The following SDK1 variants were observed in gnomAD, a reference collection of about 807,000 sequenced individuals.
SDK1 encodes the protein protein sidekick-1.
In SDK1, 157 loss-of-function variants were observed where a neutral mutation model predicts 245.5. The observed-to-expected ratio is 0.64, with a 90% CI of 0.56 to 0.73. SDK1 has a LOEUF of 0.73. SDK1 is among the 30% of genes least tolerant of loss of function. The pLI is 0.00. For missense variants in SDK1, 3,583 were observed against 3,002.3 expected, an observed-to-expected ratio of 1.19 and a Z score of -4.52; for synonymous variants, 1,647 against 1,278.5, an observed-to-expected ratio of 1.29 and a Z score of -6.15.
At chr7:3,624,059 C>G (rs1008152020) in intron 2 of SDK1, among the ~76,000 whole-genome samples, 4 of 152,032 alleles carry the variant, frequency 2.6e-5, no homozygotes, top group African/African-American at 7.2e-5. Flanking sequence ...GAGTAGAACC[C>G]ACGTGGAAAG....
chr7:3,751,488 C>T (rs1779770725), intron 4 of SDK1, among the ~76,000 whole-genome samples: 1 of 151,988 alleles, frequency 6.6e-6, no homozygotes, highest in Admixed American at 6.5e-5. Flanking sequence ...GAATGGGGAG[C>T]AGGGACAGCA....
intron 5 of SDK1, among the ~76,000 whole-genome samples, chr7:3,880,912 G>C (rs1962783): frequency 0.26 from 39,657 of 151,900 alleles, 6,023 homozygotes; most frequent in African/African-American, 0.42. Flanking sequence ...CGAGGAAGGC[G>C]TCGAGTTCAG....
chr7:3,576,043 A>G lies in SDK1; in HGVS notation c.299-43037A>G, dbSNP rs972418064. Among the ~76,000 whole-genome samples, 10 of 152,054 alleles carry G rather than the reference A, an allele frequency of 6.6e-5. 1 individual carries two copies. The highest frequency in any genetic ancestry group is 1.3e-4 in the Admixed American group (2 of 15,268). On this transcript the variant is annotated intron_variant, in intron 1 of 44. Coordinates refer to ENST00000404826, the MANE Select transcript of SDK1 (RefSeq NM_152744.4). ...TGTTCAAAAGGTAAAGAAACAAGAA[A>G]AGGGAAAGATGAGGAAAATCACAAA...
intron 4 of SDK1, among the ~76,000 whole-genome samples, chr7:3,772,464 A>C (rs1216581066): frequency 6.6e-6 from 1 of 152,342 alleles, no homozygotes; most frequent in Non-Finnish European, 1.5e-5. Context: ...ATAATTTTTA[A>C]AAATGCATTA....
rs1272137589 is a variant in SDK1 at position 3,974,480 on chromosome 7, T to G, written c.1929T>G (p.Gly643=). 1 of 1,614,008 alleles carries G rather than the reference T, an allele frequency of 6.2e-7. No individual in the cohort carries two copies. The highest frequency in any genetic ancestry group is 8.5e-7 in the Non-Finnish European group (1 of 1,180,028). The change falls in exon 13 of 45, where the codon GGT becomes GGG. Residue 643 remains glycine, a synonymous_variant. Coordinates refer to ENST00000404826, the MANE Select transcript of SDK1 (RefSeq NM_152744.4). ...GCCAGACGTGGTCAGGCGACATCGGTGACTACAGCTGCGAGATTGTTTCTG... is the reference window on the plus strand; with the variant it reads ...GCCAGACGTGGTCAGGCGACATCGGGGACTACAGCTGCGAGATTGTTTCTG... ...LISQTWSGDI[G]DYSCEIVSEG...
chr7:4,105,109 A>G (rs1484610014), intron 22 of SDK1, among the ~76,000 whole-genome samples: 10 of 151,766 alleles, frequency 6.6e-5, no homozygotes, highest in Admixed American at 3.3e-4. Flanking sequence ...CAGCCTCCCA[A>G]GTAGCTGGGA....
intron 16 of SDK1, among the ~76,000 whole-genome samples, chr7:4,012,911 A>G (rs932747008): frequency 6.6e-5 from 10 of 152,152 alleles, no homozygotes; most frequent in African/African-American, 2.4e-4. Context: ...TTAAGTTTTC[A>G]ACCAAGGGCA....
At chr7:3,852,177 C>CTT (rs529182426) in intron 5 of SDK1, among the ~76,000 whole-genome samples, 1 of 135,248 alleles carries the variant, frequency 7.4e-6, no homozygotes, top group Non-Finnish European at 1.6e-5. Context: ...TGGGTCTAGG[C>CTT]TTTTTTTTTT....
chr7:3,707,846 C>G (rs978104057), intron 4 of SDK1, among the ~76,000 whole-genome samples: 15 of 152,022 alleles, frequency 9.9e-5, no homozygotes, highest in African/African-American at 3.1e-4. Flanking sequence ...GCTTTAAAGT[C>G]TGTTTTATGT....
intron 5 of SDK1, among the ~76,000 whole-genome samples, chr7:3,852,653 A>G (rs1267448061): frequency 6.9e-6 from 1 of 145,912 alleles, no homozygotes; most frequent in East Asian, 2.1e-4. Context: ...CGGGAGGCTG[A>G]GGCAGGAGAA....
intron 32 of SDK1, among the ~76,000 whole-genome samples, chr7:4,162,600 A>G (rs1562373027): frequency 6.6e-6 from 1 of 151,890 alleles, no homozygotes; most frequent in Non-Finnish European, 1.5e-5. Flanking sequence ...GGGTTTCACC[A>G]TGTTGACCAG....
chr7:4,196,758 G>A (rs1481882982), intron 35 of SDK1, among the ~76,000 whole-genome samples: 1 of 152,218 alleles, frequency 6.6e-6, no homozygotes, highest in Non-Finnish European at 1.5e-5. Context: ...AGGACAAGTG[G>A]CTGATGCCAT....
intron 1 of SDK1, among the ~76,000 whole-genome samples, chr7:3,376,873 C>T (rs537866499): frequency 3.1e-4 from 47 of 151,876 alleles, no homozygotes; most frequent in Non-Finnish European, 6.0e-4. Context: ...CTCTATTTCC[C>T]CTTCTATTGT....
intron 2 of SDK1, among the ~76,000 whole-genome samples, chr7:3,627,073 A>G (rs574177419): frequency 3.3e-5 from 5 of 152,074 alleles, no homozygotes; most frequent in African/African-American, 1.2e-4. Context: ...GGGTACAGGC[A>G]CACACCACCA....
At chr7:4,102,324 G>T (rs1010308798) in intron 22 of SDK1, among the ~76,000 whole-genome samples, 1 of 152,154 alleles carries the variant, frequency 6.6e-6, no homozygotes, top group Admixed American at 6.5e-5. Context: ...GGGAGGAGCC[G>T]TCAGAAGCAG....
At position 3,940,844 on chromosome 7, in the gene SDK1, G is replaced by A. The variant is rs1246564429; in HGVS notation, c.848-10079G>A. Among the ~76,000 whole-genome samples, 4 of 151,846 alleles carry A rather than the reference G, an allele frequency of 2.6e-5. 1 individual carries two copies. Among genetic ancestry groups the A allele is most frequent in the Non-Finnish European group, 5.9e-5 (4 of 67,964 alleles). ...ATAGTAAATTAATTAAAAAAATAAAGGTCAGTGCTCCCTGGCTTCTCTGCA... is the reference window on the plus strand; with the variant it reads ...ATAGTAAATTAATTAAAAAAATAAAAGTCAGTGCTCCCTGGCTTCTCTGCA... On this transcript the variant is annotated intron_variant, in intron 5 of 44. Coordinates refer to ENST00000404826, the MANE Select transcript of SDK1 (RefSeq NM_152744.4).
chr7:3,602,066 C>G (rs1781271099), intron 1 of SDK1, among the ~76,000 whole-genome samples: 1 of 151,900 alleles, frequency 6.6e-6, no homozygotes, highest in Non-Finnish European at 1.5e-5. Context: ...TTTTCTTAAT[C>G]CAGTCTATCG....
Position 4,268,407 on chromosome 7 carries a change from C to G in SDK1, c.*3023C>G. On this transcript the variant is annotated 3_prime_UTR_variant, in exon 45 of 45. Transcript: ENST00000404826. ...CTGGGTGAATCGGTCCAGCCCAAGC[C>G]CCTCTCCCCAGCCTCGCCTTCAGCC... 1.8e-6 allele frequency: 2 copies of G among 1,116,520 alleles called. No individual in the cohort carries two copies. The highest frequency in any genetic ancestry group is 2.2e-6 in the Non-Finnish European group (2 of 902,600). The allele number at this position is 1,116,520 out of a possible 1,614,324, so 69.2% of individuals were successfully genotyped here. A position where few individuals can be genotyped will look rare whatever the true frequency, so the allele number is the denominator to read the frequency against.
At chr7:4,178,237 G>C (rs1186862182) in intron 34 of SDK1, among the ~76,000 whole-genome samples, 1 of 152,200 alleles carries the variant, frequency 6.6e-6, no homozygotes, top group Non-Finnish European at 1.5e-5. Context: ...GGAGCTCCGT[G>C]CTGCCTCTTA....
Sources: gnomAD v4.1 joint callset for allele counts (sites outside exome capture counted in the v4.1 genomes callset) on GRCh38, gnomAD v4.1.1 for gene constraint, MANE v1.5 for transcripts, NCBI Gene and HGNC (gene_info 2026-07-23, HGNC 2026-07-21) for gene names.